SHBG: variants seen among roughly 807,000 people sequenced by gnomAD.
SHBG encodes sex hormone-binding globulin.
In SHBG, 37 loss-of-function variants were observed where a neutral mutation model predicts 41.9. That is an observed-to-expected ratio of 0.88 (90% CI 0.68 to 1.16). SHBG has a LOEUF of 1.16. SHBG is among the 50% of genes most tolerant of loss of function. The probability of loss-of-function intolerance (pLI) is 0.00; values close to 1 mark genes in which losing one functional copy is unlikely to be tolerated. For synonymous variants in SHBG, 217 were observed against 205.8 expected, an observed-to-expected ratio of 1.05 and a Z score of -0.47; for missense variants, 466 against 499.9, an observed-to-expected ratio of 0.93 and a Z score of 0.65.
intron 1 of SHBG, among the ~76,000 whole-genome samples, chr17:7,620,629 T>G (rs952114679): frequency 6.6e-6 from 1 of 151,600 alleles, no homozygotes; most frequent in Admixed American, 6.6e-5. Context: ...ATTAATAATT[T>G]TTTTTTTTGT....
intron 3 of SHBG, 87 bp from the exon 4 acceptor site, chr17:7,631,113 T>C: frequency 7.4e-7 from 1 of 1,357,794 alleles, no homozygotes; most frequent in Non-Finnish European, 9.9e-7. Context: ...AGGCATGTTC[T>C]TTCCACTATA....
chr17:7,620,460 C>A (rs978901477), intron 1 of SHBG, among the ~76,000 whole-genome samples: 3 of 151,880 alleles, frequency 2.0e-5, no homozygotes, highest in Admixed American at 2.0e-4. Context: ...TGGATTACAG[C>A]CGTTTGCCCC....
At chr17:7,623,594 A>T (rs1353857652), upstream of SHBG, among the ~76,000 whole-genome samples, 1 of 152,110 alleles carries the variant, frequency 6.6e-6, no homozygotes. Flanking sequence ...AGTAGCTGGG[A>T]CTACAGGCAT....
At chr17:7,617,473 C>A (rs766767930) in intron 1 of SHBG, among the ~76,000 whole-genome samples, 17 of 151,768 alleles carry the variant, frequency 1.1e-4, no homozygotes, top group Admixed American at 1.1e-3. Context: ...CATGGTGGCA[C>A]GCGCTTGTAG....
In SHBG at chr17:7,630,968, C is replaced by T. The variant is rs911329635; in HGVS notation, c.393+99C>T. The T allele has an allele frequency of 1.0e-5, 12 of 1,150,404 alleles. No individual in the cohort carries two copies. The highest frequency in any genetic ancestry group is 5.8e-5 in the Admixed American group (3 of 52,050). The allele number at this position is 1,150,404 out of a possible 1,614,324, so 71.3% of individuals were successfully genotyped here. ...GGGCATCCCTCTACCACTGTCATCT[C>T]GTTTAATCCACACGAACCCCCACAA... On this transcript the variant is annotated intron_variant, in intron 3 of 7. Transcript: ENST00000380450. The surrounding 1 kb of genome is among the most constrained non-coding windows in gnomAD (Gnocchi z 4.6).
intron 1 of SHBG, among the ~76,000 whole-genome samples, chr17:7,620,731 A>T (rs2072077140): frequency 6.6e-6 from 1 of 151,894 alleles, no homozygotes; most frequent in South Asian, 2.1e-4. Context: ...CCCAGGTACA[A>T]GTGATTCTCC....
upstream of SHBG, among the ~76,000 whole-genome samples, chr17:7,624,302 C>T (rs1378885127): frequency 6.6e-6 from 1 of 151,856 alleles, no homozygotes; most frequent in Non-Finnish European, 1.5e-5. Flanking sequence ...GGCTGGAGTG[C>T]GGTGGCACAA....
chr17:7,628,076 C>G (rs1317660466), upstream of SHBG: 5 of 466,078 alleles, frequency 1.1e-5, no homozygotes, highest in South Asian at 7.7e-5. Flanking sequence ...AAGGCTCCCC[C>G]GCAGTGCTTT....
Position 7,630,809 on chromosome 17 carries a change from T to A in SHBG, c.333T>A (p.Asn111Lys). The stretch of plus-strand genomic sequence containing the variant: ...GCAGGCCTGAGATCCAACTGCACAA[T>A]CACTGGGCCCAGCTTACGGTGGGTG... Reference protein sequence around the residue: ...RDGRPEIQLHNHWAQLTVGAG... With the variant: ...RDGRPEIQLHKHWAQLTVGAG... Residue 111 changes from asparagine (N) to lysine (K), a missense_variant, in exon 3 of 8, where the codon AAT (asparagine) becomes AAA (lysine). Transcript: ENST00000380450. The surrounding 1 kb of genome is among the most constrained non-coding windows in gnomAD (Gnocchi z 4.6). 6.2e-7 allele frequency: 1 copy of A among 1,613,934 alleles called. No individual in the cohort carries two copies. Among genetic ancestry groups the A allele is most frequent in the Non-Finnish European group, 8.5e-7 (1 of 1,180,006 alleles).
intron 1 of SHBG, among the ~76,000 whole-genome samples, chr17:7,616,003 T>TA (rs933679533): frequency 6.7e-6 from 1 of 150,198 alleles, no homozygotes; most frequent in African/African-American, 2.5e-5. Flanking sequence ...CTGTTTCTAC[T>TA]AAAAATACAA....
chr17:7,616,830 G>A (rs554904273), intron 1 of SHBG, among the ~76,000 whole-genome samples: 2 of 152,254 alleles, frequency 1.3e-5, no homozygotes, highest in South Asian at 2.1e-4. Flanking sequence ...CAGCTACTTG[G>A]GAGGCTGAGG....
At chr17:7,631,110 T>C in intron 3 of SHBG, 90 bp from the exon 4 acceptor site, 2 of 1,336,328 alleles carry the variant, frequency 1.5e-6, no homozygotes, top group Middle Eastern at 2.0e-4. Context: ...TTAAGGCATG[T>C]TCTTTCCACT....
At position 7,630,440 on chromosome 17, in the gene SHBG, C is replaced by A; in HGVS notation, c.136C>A (p.His46Asn). The change falls in exon 2 of 8, where the codon CAC (histidine) becomes AAC (asparagine). Residue 46 changes from histidine to asparagine, a missense_variant. Transcript: ENST00000380450. The surrounding 1 kb of genome is among the most constrained non-coding windows in gnomAD (Gnocchi z 4.6). ...GAGTGCCCACGACCCTCCGGCTGTC[C>A]ACCTCAGCAATGGCCCAGGACAAGA... ...TQSAHDPPAV[H>N]LSNGPGQEPI... 2 of 1,614,082 alleles carry A rather than the reference C, an allele frequency of 1.2e-6. No individual in the cohort carries two copies. Among genetic ancestry groups the A allele is most frequent in the Non-Finnish European group, 1.7e-6 (2 of 1,179,976 alleles).
intron 1 of SHBG, chr17:7,614,489 G>A (rs1312389503): frequency 6.5e-7 from 1 of 1,540,092 alleles, no homozygotes; most frequent in African/African-American, 1.4e-5. Flanking sequence ...CACCTCGACG[G>A]GCAGTCCCGG....
Position 7,632,742 on chromosome 17 carries a change from C to T in SHBG, c.853-10C>T, listed in dbSNP as rs1301858120. 5 of 1,609,220 alleles carry T rather than the reference C, an allele frequency of 3.1e-6. No homozygotes were observed. The highest frequency in any genetic ancestry group is 1.7e-5 in the Admixed American group (1 of 59,988). ...CTCTCTCTACCGTCCCTTTCCCACA[C>T]ACTCTGCAGAAGGTGGTGTTGTCTT... On this transcript the variant is annotated splice_polypyrimidine_tract_variant and intron_variant, in intron 6 of 7. Coordinates refer to ENST00000380450, the MANE Select transcript of SHBG (RefSeq NM_001040.5).
Position 7,630,349 on chromosome 17 carries a change from G to A in SHBG, c.111+66G>A, listed in dbSNP as rs1241718009. On this transcript the variant is annotated intron_variant, in intron 1 of 7. Coordinates refer to ENST00000380450, the MANE Select transcript of SHBG (RefSeq NM_001040.5). This position sits in a 1 kb window ranked among gnomAD's most constrained non-coding sequence, Gnocchi z 4.6. ...CCTTCTCTCCTCTGGCCCTGTAGCA[G>A]GGCCTCTCCCTCTGTCTGTCTCTGA... 1.9e-6 allele frequency: 3 copies of A among 1,591,094 alleles called. No homozygotes were observed. The highest frequency in any genetic ancestry group is 4.5e-5 in the East Asian group (2 of 44,774).
upstream of SHBG, among the ~76,000 whole-genome samples, chr17:7,626,065 G>A (rs1178589492): frequency 6.7e-6 from 1 of 148,868 alleles, no homozygotes; most frequent in Non-Finnish European, 1.5e-5. Context: ...ATGGTGGTGC[G>A]CACCCGTAGT....
At position 7,630,638 on chromosome 17, in the gene SHBG, G is replaced by A. The variant is rs762155418; in HGVS notation, c.204-42G>A. Reference sequence around the variant, plus strand: ...CCCCAAACCCACACTGGTTCTCAAAGGACACATGACATACACAATCTTTCC... The same window carrying A: ...CCCCAAACCCACACTGGTTCTCAAAAGACACATGACATACACAATCTTTCC... On this transcript the variant is annotated intron_variant, in intron 2 of 7. Coordinates refer to ENST00000380450, the MANE Select transcript of SHBG (RefSeq NM_001040.5). This position sits in a 1 kb window ranked among gnomAD's most constrained non-coding sequence, Gnocchi z 4.6. 4 of 1,588,318 alleles carry A rather than the reference G, an allele frequency of 2.5e-6. No homozygotes were observed. The highest frequency in any genetic ancestry group is 1.1e-5 in the South Asian group (1 of 90,266).
At position 7,630,144 on chromosome 17, in the gene SHBG, C is replaced by A; in HGVS notation, c.-29C>A. ...CTCTACACATTCTCCCAAGAGTTGT[C>A]TGAGCCGCCGAGTGGACAGTGGCTG... On this transcript the variant is annotated 5_prime_UTR_variant, in exon 1 of 8. It adds an upstream start codon to the 5' untranslated region. Transcript: ENST00000380450. The surrounding 1 kb of genome is among the most constrained non-coding windows in gnomAD (Gnocchi z 4.6). The A allele has an allele frequency of 6.3e-7, 1 of 1,579,846 alleles. No individual in the cohort carries two copies. The highest frequency in any genetic ancestry group is 8.7e-7 in the Non-Finnish European group (1 of 1,149,118).
Sources: allele counts gnomAD v4.1 joint callset (sites outside exome capture counted in the v4.1 genomes callset), GRCh38; gene constraint gnomAD v4.1.1; non-coding constraint Gnocchi (gnomAD v3.1); transcripts MANE v1.5; gene names NCBI Gene and HGNC (gene_info 2026-07-23, HGNC 2026-07-21).